The following GALNT13 variants were observed in gnomAD, a reference collection of about 807,000 sequenced individuals.
The protein encoded by GALNT13 is polypeptide N-acetylgalactosaminyltransferase 13, also known as UDP-GalNAc:polypeptide N-acetylgalactosaminyltransferase 13.
A neutral mutation model predicts 64.2 loss-of-function variants in GALNT13; 28 were observed. That is an observed-to-expected ratio of 0.44 (90% CI 0.32 to 0.60). GALNT13 has a LOEUF of 0.60. Among genes scored for constraint, GALNT13 ranks in the 20% least tolerant of loss-of-function variants. GALNT13 has a pLI of 0.05. For synonymous variants in GALNT13, 214 were observed against 224.6 expected (o/e 0.95, Z 0.42); for missense variants, 577 against 669.8 (o/e 0.86, Z 1.53).
the GALNT13 span, among the ~76,000 whole-genome samples, chr2:153,760,598 A>C: frequency 6.6e-6 from 1 of 152,150 alleles, no homozygotes; most frequent in East Asian, 1.9e-4. Flanking sequence ...ATTAGAAAAA[A>C]TATTTGATAT....
chr2:154,230,384 A>T (rs1688852853), intron 4 of GALNT13, among the ~76,000 whole-genome samples: 1 of 152,138 alleles, frequency 6.6e-6, no homozygotes, highest in South Asian at 2.1e-4. Flanking sequence ...AAAGAATTAT[A>T]TTCAGAGGTT....
the GALNT13 span, among the ~76,000 whole-genome samples, chr2:153,813,157 G>C: frequency 1.3e-5 from 2 of 152,050 alleles, no homozygotes; most frequent in Non-Finnish European, 1.5e-5. Context: ...TCTGTTTTCA[G>C]TGATTCAGAG....
intron 3 of GALNT13, among the ~76,000 whole-genome samples, chr2:154,030,915 C>T (rs1698294800): frequency 6.6e-6 from 1 of 152,044 alleles, no homozygotes; most frequent in Admixed American, 6.6e-5. Flanking sequence ...TACCCAGTCT[C>T]AGTTAGTTCT....
At chr2:154,242,577 G>A (rs10166119) in intron 5 of GALNT13, 121 bp from the exon 6 acceptor site, 501,187 of 651,854 alleles carry the variant, frequency 0.77, 193,291 homozygotes, top group East Asian at 0.85. Context: ...ATCTAAGGCA[G>A]TAAATACTGA....
chr2:154,329,064 A>G (rs10189551), intron 9 of GALNT13, among the ~76,000 whole-genome samples: 30,103 of 152,002 alleles, frequency 0.2, 3,413 homozygotes, highest in Middle Eastern at 0.36. Context: ...TGGCTTATAG[A>G]TGTTGAAAGT....
At position 154,364,952 on chromosome 2, in the gene GALNT13, G is replaced by A. The variant is rs138630467; in HGVS notation, c.1157-31039G>A. Among the ~76,000 whole-genome samples the A allele has an allele frequency of 2.2e-4, 34 of 152,292 alleles. No individual in the cohort carries two copies. The East Asian group carries it at 3.7e-3, about 16-fold the overall frequency. On this transcript the variant is annotated intron_variant, in intron 9 of 12. Coordinates refer to ENST00000392825, the MANE Select transcript of GALNT13 (RefSeq NM_052917.4). The stretch of plus-strand genomic sequence containing the variant: ...TTCCAAAAGTGCTGGGATTACAGGC[G>A]TAAGCCACTTCACCAAAGAGTTATC...
the GALNT13 span, among the ~76,000 whole-genome samples, chr2:153,090,823 T>C: frequency 5.3e-5 from 8 of 151,788 alleles, no homozygotes; most frequent in African/African-American, 1.7e-4. Flanking sequence ...GGAATGGTTC[T>C]CAGGCCAATG....
chr2:153,451,205 A>T, the GALNT13 span, among the ~76,000 whole-genome samples: 1 of 152,216 alleles, frequency 6.6e-6, no homozygotes, highest in African/African-American at 2.4e-5. Flanking sequence ...AATCATCAGC[A>T]TTCATTAGTA....
chr2:153,669,326 G>C, the GALNT13 span, among the ~76,000 whole-genome samples: 1 of 152,114 alleles, frequency 6.6e-6, no homozygotes, highest in Non-Finnish European at 1.5e-5. Context: ...GCATGCATGT[G>C]TGTGCACCCC....
the GALNT13 span, among the ~76,000 whole-genome samples, chr2:153,487,848 G>A: frequency 6.6e-6 from 1 of 152,186 alleles, no homozygotes; most frequent in Non-Finnish European, 1.5e-5. Flanking sequence ...CAAATCATGA[G>A]GGCTTTGTTT....
At chr2:153,926,696 G>A (rs1195557398) in intron 2 of GALNT13, among the ~76,000 whole-genome samples, 2 of 151,948 alleles carry the variant, frequency 1.3e-5, no homozygotes, top group African/African-American at 2.4e-5. Context: ...CAGTCCTTTG[G>A]GTCTGTTGGT....
chr2:153,643,091 G>C, the GALNT13 span, among the ~76,000 whole-genome samples: 1 of 151,166 alleles, frequency 6.6e-6, no homozygotes, highest in Non-Finnish European at 1.5e-5. Context: ...TAGAAAAATA[G>C]TTAATATACA....
rs202101959 is a variant in GALNT13, at chr2:154,212,833, GT to G, written c.312-29186del. Among the ~76,000 whole-genome samples, 986 of 144,896 alleles carry G rather than the reference GT, an allele frequency of 6.8e-3. 12 individuals carry two copies. The highest frequency in any genetic ancestry group is 0.059 in the East Asian group (292 of 4,970). On this transcript the variant is annotated intron_variant, in intron 4 of 12. Coordinates refer to ENST00000392825, the MANE Select transcript of GALNT13 (RefSeq NM_052917.4). ...AGGTAATATAATCCCTTAATACAAT[GT>G]TTTTTTTTTTCAGACTTGTGCATTT... is the stretch of plus-strand genomic sequence containing the variant.
chr2:154,207,205 C>T (rs1687508839), intron 4 of GALNT13, among the ~76,000 whole-genome samples: 1 of 152,128 alleles, frequency 6.6e-6, no homozygotes, highest in Admixed American at 6.5e-5. Flanking sequence ...ATCTGGCTAC[C>T]TCCAATGTCG....
At chr2:154,407,856 C>G (rs1376509585) in intron 10 of GALNT13, among the ~76,000 whole-genome samples, 2 of 152,050 alleles carry the variant, frequency 1.3e-5, no homozygotes, top group Non-Finnish European at 2.9e-5. Context: ...TTCCCCAACT[C>G]CAGGTACTAG....
the GALNT13 span, among the ~76,000 whole-genome samples, chr2:153,498,591 G>A: frequency 6.6e-6 from 1 of 152,210 alleles, no homozygotes; most frequent in South Asian, 2.1e-4. Flanking sequence ...TACCATGTGT[G>A]GCTTCCTCTG....
At chr2:153,712,503 TA>T in the GALNT13 span, among the ~76,000 whole-genome samples, 13 of 151,994 alleles carry the variant, frequency 8.6e-5, no homozygotes, top group South Asian at 8.3e-4. Context: ...TTAGTTCATT[TA>T]AAAAAAATGA....
intron 2 of GALNT13, among the ~76,000 whole-genome samples, chr2:153,942,640 A>G (rs1417083720): frequency 6.6e-6 from 1 of 151,884 alleles, no homozygotes; most frequent in East Asian, 1.9e-4. Flanking sequence ...TTTTTCTAAG[A>G]AAAAAAACCC....
At chr2:153,438,509 G>T in the GALNT13 span, among the ~76,000 whole-genome samples, 2 of 152,058 alleles carry the variant, frequency 1.3e-5, no homozygotes, top group Non-Finnish European at 2.9e-5. Flanking sequence ...ATATTTCTTG[G>T]AGGCTTTGTT....
Sources: gnomAD v4.1 joint callset for allele counts (sites outside exome capture counted in the v4.1 genomes callset) on GRCh38, gnomAD v4.1.1 for gene constraint, MANE v1.5 for transcripts, NCBI Gene and HGNC (gene_info 2026-07-23, HGNC 2026-07-21) for gene names.